The following NPIPB2 variants were observed in gnomAD, a reference collection of about 807,000 sequenced individuals.
NPIPB2 encodes nuclear pore complex-interacting protein family member B2.
NPIPB2 carries 27 observed loss-of-function variants against 30.8 expected under a neutral mutation model. The ratio of observed to expected loss-of-function variants is 0.88; its 90% CI spans 0.65 to 1.21. The LOEUF (loss-of-function observed/expected upper bound fraction) is 1.21. NPIPB2 is among the 50% of genes most tolerant of loss of function. The pLI is 0.00. For synonymous variants in NPIPB2, 147 were observed against 162.0 expected, an observed-to-expected ratio of 0.91 and a Z score of 0.70; for missense variants, 440 against 446.2, an observed-to-expected ratio of 0.99 and a Z score of 0.13.
At chr16:11,966,459 T>C in intron 1 of NPIPB2, 2 of 1,044,720 alleles carry the variant, frequency 1.9e-6, no homozygotes, top group African/African-American at 1.6e-5. Flanking sequence ...TTCGAATGTG[T>C]TAGAACATTG....
At chr16:11,960,760 C>T (rs553397945) in intron 1 of NPIPB2, among the ~76,000 whole-genome samples, 2 of 152,264 alleles carry the variant, frequency 1.3e-5, no homozygotes, top group African/African-American at 4.8e-5. Context: ...CAATGACCTG[C>T]TTCTTTAGTG....
exon 5 of NPIPB2, chr16:11,930,548 T>A (rs2054777923): frequency 6.3e-7 from 1 of 1,577,844 alleles, no homozygotes; most frequent in Admixed American, 1.7e-5. Flanking sequence ...TCACGCTTAG[T>A]TTCCTCAGAT....
chr16:11,970,783 C>T (rs2055230918), intron 1 of NPIPB2, among the ~76,000 whole-genome samples: 2 of 152,036 alleles, frequency 1.3e-5, no homozygotes, highest in African/African-American at 2.4e-5. Context: ...ATCTACCTGC[C>T]TTGGCCTCCC....
At chr16:11,950,718 C>T (rs1208405454) in intron 1 of NPIPB2, among the ~76,000 whole-genome samples, 2 of 152,122 alleles carry the variant, frequency 1.3e-5, no homozygotes, top group Non-Finnish European at 2.9e-5. Flanking sequence ...CTCATCCTCC[C>T]TTCCTTCCTT....
intron 1 of NPIPB2, among the ~76,000 whole-genome samples, chr16:11,955,970 A>C (rs1156336468): frequency 6.6e-6 from 1 of 151,922 alleles, no homozygotes; most frequent in Non-Finnish European, 1.5e-5. Flanking sequence ...TCCACTGCAG[A>C]GTTCCCGAAG....
At chr16:11,944,520 T>C (rs112948681), upstream of NPIPB2, among the ~76,000 whole-genome samples, 440 of 151,120 alleles carry the variant, frequency 2.9e-3, 4 homozygotes, top group African/African-American at 0.01. Context: ...CCCAGCACTT[T>C]GGGAGGCCGA....
At chr16:11,972,862 CA>C (rs200717499) in intron 1 of NPIPB2, among the ~76,000 whole-genome samples, 6,132 of 100,200 alleles carry the variant, frequency 0.061, 134 homozygotes, top group Middle Eastern at 0.21. Flanking sequence ...GATTCGGACT[CA>C]AAAAAAAAAA....
chr16:11,967,878 T>TA (rs757552584), intron 1 of NPIPB2: 89 of 1,600,580 alleles, frequency 5.6e-5, no homozygotes, highest in Non-Finnish European at 7.5e-5. Flanking sequence ...AGTGCCACTT[T>TA]AAAAATCTTT....
chr16:11,956,039 A>ATTTT (rs2055109522), intron 1 of NPIPB2: 2 of 152,184 alleles, frequency 1.3e-5, no homozygotes, highest in Non-Finnish European at 2.9e-5. Context: ...TTCCAAAGGC[A>ATTTT]GGCAGGAAAT....
intron 1 of NPIPB2, among the ~76,000 whole-genome samples, chr16:11,951,893 C>T (rs1567473865): frequency 6.6e-6 from 1 of 152,078 alleles, no homozygotes; most frequent in African/African-American, 2.4e-5. Context: ...GGCGCGGTGG[C>T]TCACGCCTGT....
At chr16:11,941,236 A>G in intron 1 of NPIPB2, 1 of 1,514,332 alleles carries the variant, frequency 6.6e-7, no homozygotes, top group Non-Finnish European at 8.9e-7. Flanking sequence ...CATCCACAGC[A>G]CCCGCATGTC....
intron 5 of NPIPB2, 62 bp downstream of exon 5, chr16:11,930,388 G>C: frequency 7.0e-7 from 1 of 1,426,502 alleles, no homozygotes; most frequent in Non-Finnish European, 9.5e-7. Context: ...ATTGTACAAA[G>C]GTTAAAAACA....
intron 1 of NPIPB2, chr16:11,968,720 G>A (rs1175998928): frequency 6.6e-6 from 1 of 152,002 alleles, no homozygotes; most frequent in African/African-American, 2.4e-5. Flanking sequence ...CTCCACTGAG[G>A]TTGTTGCAAA....
intron 1 of NPIPB2, among the ~76,000 whole-genome samples, chr16:11,965,827 C>T (rs1295645821): frequency 1.3e-5 from 2 of 151,976 alleles, no homozygotes; most frequent in African/African-American, 2.4e-5. Flanking sequence ...GTATGACAGC[C>T]GGGTGCGGTG....
intron 1 of NPIPB2, among the ~76,000 whole-genome samples, chr16:11,955,549 A>T (rs2150931551): frequency 6.6e-6 from 1 of 151,378 alleles, no homozygotes; most frequent in Admixed American, 6.6e-5. Context: ...CTCTACTAAA[A>T]ATACAAAAAA....
chr16:11,975,971 G>A (rs1048662662), intron 1 of NPIPB2, among the ~76,000 whole-genome samples: 1 of 151,600 alleles, frequency 6.6e-6, no homozygotes, highest in African/African-American at 2.4e-5. Context: ...GTAGAGAACG[G>A]CGTCTCGCTA....
intron 1 of NPIPB2, among the ~76,000 whole-genome samples, chr16:11,955,047 A>G (rs900113147): frequency 6.6e-6 from 1 of 152,044 alleles, no homozygotes; most frequent in Non-Finnish European, 1.5e-5. Flanking sequence ...CCTCTCCTGT[A>G]TTATTTTGAA....
intron 1 of NPIPB2, among the ~76,000 whole-genome samples, chr16:11,951,694 G>C (rs986504833): frequency 6.9e-6 from 1 of 144,006 alleles, no homozygotes; most frequent in Non-Finnish European, 1.5e-5. Flanking sequence ...AAAATTCAGA[G>C]TATGTCAAAG....
upstream of NPIPB2, among the ~76,000 whole-genome samples, chr16:11,946,996 A>G (rs2055016848): frequency 6.7e-6 from 1 of 149,700 alleles, no homozygotes; most frequent in Admixed American, 6.8e-5. Flanking sequence ...TGCTGGGATT[A>G]CAGGTGTGAC....
Sources: gnomAD v4.1 joint callset for allele counts (sites outside exome capture counted in the v4.1 genomes callset) on GRCh38, gnomAD v4.1.1 for gene constraint, MANE v1.5 for transcripts, NCBI Gene and HGNC (gene_info 2026-07-23, HGNC 2026-07-21) for gene names.